SYT14: variants seen among roughly 807,000 people sequenced by gnomAD.
The protein encoded by SYT14 is synaptotagmin 14.
SYT14 carries 32 observed loss-of-function variants against 74.2 expected under a neutral mutation model. The observed-to-expected ratio is 0.43, with a 90% CI of 0.33 to 0.58. SYT14 has a LOEUF of 0.58. Ranked by LOEUF, SYT14 falls within the 20% of genes least tolerant of loss-of-function variation. The pLI, the probability that SYT14 is intolerant of heterozygous loss-of-function variation, is 0.05. For synonymous variants in SYT14, 298 were observed against 337.7 expected, an observed-to-expected ratio of 0.88 and a Z score of 1.29; for missense variants, 791 against 981.8, an observed-to-expected ratio of 0.81 and a Z score of 2.60.
intron 7 of SYT14, 60 bp from the exon 7 acceptor site, chr1:210,155,661 A>G (rs2083253322): frequency 6.4e-7 from 1 of 1,568,406 alleles, no homozygotes; most frequent in Non-Finnish European, 8.7e-7. Flanking sequence ...TGGCATAACA[A>G]TATATCTCTT....
At chr1:209,991,961 T>A (rs2079696783) in intron 2 of SYT14, among the ~76,000 whole-genome samples, 1 of 152,236 alleles carries the variant, frequency 6.6e-6, no homozygotes, top group South Asian at 2.1e-4. Flanking sequence ...TCAAATAATT[T>A]AAACAGAACT....
exon 10 of SYT14, chr1:210,169,232 T>G (rs1165050383): frequency 5.0e-5 from 7 of 139,092 alleles, no homozygotes; most frequent in East Asian, 2.0e-4. Flanking sequence ...TTTTTTTTTT[T>G]TTTTTTTTTT....
intron 5 of SYT14, among the ~76,000 whole-genome samples, chr1:210,034,237 A>G (rs534866923): frequency 6.6e-6 from 1 of 151,906 alleles, no homozygotes; most frequent in South Asian, 2.1e-4. Flanking sequence ...GGCAGGGCCA[A>G]AATTTAAACA....
In SYT14 at chr1:210,069,084, T is replaced by C. The variant is rs1195350120; in HGVS notation, c.1313-25238T>C. On this transcript the variant is annotated intron_variant, in intron 5 of 9. Coordinates refer to ENST00000637265, the Ensembl canonical transcript of SYT14. ...AAATATTTAAGCTAAAAGAAATCTC[T>C]TCTTGTTTCTGAGTTCTAAGTTAAG... Among the ~76,000 whole-genome samples the C allele has an allele frequency of 2.0e-5, 3 of 151,906 alleles. No individual in the cohort carries two copies. The East Asian group carries it at 5.8e-4, about 29-fold the overall frequency.
exon 4 of SYT14, chr1:210,016,054 A>G (rs1176650857): frequency 8.9e-6 from 11 of 1,232,002 alleles, no homozygotes; most frequent in Non-Finnish European, 1.1e-5. Flanking sequence ...TGTCCTCTCT[A>G]GTAGACACAA....
At chr1:210,099,399 T>G (rs1349765314) in intron 6 of SYT14, among the ~76,000 whole-genome samples, 2 of 152,232 alleles carry the variant, frequency 1.3e-5, no homozygotes, top group Non-Finnish European at 2.9e-5. Flanking sequence ...TTTAATTGTG[T>G]TTAGAAATTG....
chr1:209,973,189 TGATA>T (rs1256310633), intron 2 of SYT14, among the ~76,000 whole-genome samples: 41 of 152,214 alleles, frequency 2.7e-4, no homozygotes, highest in South Asian at 1.0e-3. Flanking sequence ...TCTGTTTGTG[TGATA>T]GATCTTTCAT....
At chr1:210,163,164 A>ACTGTAACAGATAACTGTACAGTCTTAT (rs2083407564) in exon 10 of SYT14, 3 of 453,710 alleles carry the variant, frequency 6.6e-6, no homozygotes, top group South Asian at 4.7e-5. Flanking sequence ...CTTATCTGTA[A>ACTGTAACAGATAACTGTACAGTCTTAT]CTGTAACAGA....
chr1:210,051,269 G>A (rs170553), intron 5 of SYT14, among the ~76,000 whole-genome samples: 86,386 of 152,032 alleles, frequency 0.57, 26,623 homozygotes, highest in African/African-American at 0.81. Flanking sequence ...TTTTGGTTGC[G>A]TAATGTTTGT....
intron 5 of SYT14, among the ~76,000 whole-genome samples, chr1:210,068,611 A>G (rs2081338233): frequency 6.6e-6 from 1 of 151,674 alleles, no homozygotes; most frequent in African/African-American, 2.4e-5. Context: ...TTCATGAGTC[A>G]GTTTTGGTAA....
intron 7 of SYT14, among the ~76,000 whole-genome samples, chr1:210,134,064 T>TTTTA (rs201522718): frequency 0.033 from 4,998 of 151,712 alleles, 548 homozygotes; most frequent in Admixed American, 0.22. Flanking sequence ...TGTTGTTGAT[T>TTTTA]TTTATTTATT....
Position 210,147,675 on chromosome 1 carries a change from AAG to A in SYT14, c.2035-8038_2035-8037del, listed in dbSNP as rs1289976623. Among the ~76,000 whole-genome samples, 8 of 152,328 alleles carry A rather than the reference AAG, an allele frequency of 5.3e-5. No individual in the cohort carries two copies. The East Asian group carries it at 1.3e-3, about 26-fold the overall frequency. The stretch of plus-strand genomic sequence containing the variant: ...GCATGAAACTTAATTCTAGGTAAAG[AAG>A]AGAGAGATAAACATAATACAATAAG... On this transcript the variant is annotated intron_variant, in intron 7 of 9. Coordinates refer to ENST00000637265, the Ensembl canonical transcript of SYT14.
intron 2 of SYT14, among the ~76,000 whole-genome samples, chr1:210,000,216 A>G (rs1352793529): frequency 6.6e-6 from 1 of 152,134 alleles, no homozygotes; most frequent in Non-Finnish European, 1.5e-5. Context: ...TAAGTATTAT[A>G]TTAGTCCAGA....
intron 7 of SYT14, among the ~76,000 whole-genome samples, chr1:210,130,098 C>A (rs1256691828): frequency 2.0e-5 from 3 of 152,184 alleles, no homozygotes; most frequent in African/African-American, 7.2e-5. Flanking sequence ...CAAACCATAT[C>A]ATTCAGAAAA....
chr1:209,952,095 ATATAT>A (rs2078920588), intron 1 of SYT14, among the ~76,000 whole-genome samples: 1 of 152,138 alleles, frequency 6.6e-6, no homozygotes, highest in South Asian at 2.1e-4. Context: ...TGAAAGTTTT[ATATAT>A]TAGTGCACTT....
At chr1:210,155,756 G>C in exon 8 of SYT14, 1 of 1,614,038 alleles carries the variant, frequency 6.2e-7, no homozygotes, top group Non-Finnish European at 8.5e-7. Flanking sequence ...CAGAAATGTC[G>C]TGTAGTGAAA....
intron 2 of SYT14, among the ~76,000 whole-genome samples, chr1:210,004,077 T>C (rs2079948449): frequency 6.6e-6 from 1 of 152,068 alleles, no homozygotes; most frequent in South Asian, 2.1e-4. Context: ...TTAGAAACAT[T>C]ATACTGCTGA....
rs1417471356 is a variant in SYT14, at chr1:209,957,910, TTTTTC to T, written c.-486+5160_-486+5164del. On this transcript the variant is annotated intron_variant, in intron 2 of 9. Coordinates refer to ENST00000637265, the Ensembl canonical transcript of SYT14. ...TTAATTTAGTCTAACTTCTTAATAT[TTTTTC>T]TTTTCATTCTTTTCTCTTTCTCCCC... is the stretch of plus-strand genomic sequence containing the variant. Among the ~76,000 whole-genome samples, 6 of 152,232 alleles carry T rather than the reference TTTTTC, an allele frequency of 3.9e-5. No individual in the cohort carries two copies. In the South Asian group the frequency reaches 8.3e-4, roughly 21 times the overall value.
chr1:209,946,302 C>T (rs934170600), intron 1 of SYT14, among the ~76,000 whole-genome samples: 5 of 152,164 alleles, frequency 3.3e-5, no homozygotes, highest in African/African-American at 1.2e-4. Flanking sequence ...ATGTTAAAAG[C>T]TGAGACTGGC....
Sources: gnomAD v4.1 joint callset for allele counts (sites outside exome capture counted in the v4.1 genomes callset) on GRCh38, gnomAD v4.1.1 for gene constraint, MANE v1.5 for transcripts, NCBI Gene and HGNC (gene_info 2026-07-23, HGNC 2026-07-21) for gene names.